PIK3C2G: variants seen among roughly 807,000 people sequenced by gnomAD.
PIK3C2G encodes the protein phosphatidylinositol-4-phosphate 3-kinase catalytic subunit type 2 gamma.
PIK3C2G carries 168 observed loss-of-function variants against 181.1 expected under a neutral mutation model. The observed-to-expected ratio is 0.93, with a 90% CI of 0.82 to 1.05. PIK3C2G has a LOEUF of 1.05. PIK3C2G is among the 50% of genes least tolerant of loss of function. PIK3C2G has a pLI of 0.00. For missense variants in PIK3C2G, 1,869 were observed against 1,732.8 expected (o/e 1.08, Z -1.40); for synonymous variants, 573 against 592.2 (o/e 0.97, Z 0.47).
intron 26 of PIK3C2G, among the ~76,000 whole-genome samples, 158 bp from the exon 27 acceptor site, chr12:18,562,545 G>A (rs1945406252): frequency 6.6e-6 from 1 of 152,188 alleles, no homozygotes; most frequent in South Asian, 2.1e-4. Context: ...CAAACTTGAA[G>A]TTTATACAAA....
chr12:18,564,751 A>T (rs1306863003), intron 28 of PIK3C2G, among the ~76,000 whole-genome samples: 1 of 152,162 alleles, frequency 6.6e-6, no homozygotes, highest in Non-Finnish European at 1.5e-5. Context: ...CAGGCAAAAA[A>T]AAGCTCAACG....
the PIK3C2G span, among the ~76,000 whole-genome samples, chr12:18,675,741 A>T: frequency 6.6e-6 from 1 of 152,126 alleles, no homozygotes; most frequent in Non-Finnish European, 1.5e-5. Flanking sequence ...ATGGAGCTGG[A>T]GTCCATTATT....
the PIK3C2G span, among the ~76,000 whole-genome samples, chr12:18,716,129 T>G: frequency 6.6e-6 from 1 of 152,194 alleles, no homozygotes; most frequent in Non-Finnish European, 1.5e-5. Context: ...TATGGAAGAA[T>G]GTTTGCTTTC....
At chr12:18,623,951 T>C (rs1948981349) in intron 31 of PIK3C2G, among the ~76,000 whole-genome samples, 1 of 151,790 alleles carries the variant, frequency 6.6e-6, no homozygotes, top group Non-Finnish European at 1.5e-5. Context: ...TTTTGAGTTA[T>C]CTATATATAA....
intron 4 of PIK3C2G, among the ~76,000 whole-genome samples, chr12:18,292,523 A>G (rs957197912): frequency 6.6e-6 from 1 of 152,076 alleles, no homozygotes; most frequent in Non-Finnish European, 1.5e-5. Flanking sequence ...GATTCTGATT[A>G]TTCGGCCAAG....
intron 11 of PIK3C2G, among the ~76,000 whole-genome samples, chr12:18,351,102 A>G (rs1372550045): frequency 6.6e-6 from 1 of 152,112 alleles, no homozygotes; most frequent in African/African-American, 2.4e-5. Context: ...TATAATAAAG[A>G]TCTCATCCAC....
chr12:18,472,642 C>G (rs992425785), intron 18 of PIK3C2G, among the ~76,000 whole-genome samples: 2 of 152,142 alleles, frequency 1.3e-5, no homozygotes, highest in Admixed American at 1.3e-4. Flanking sequence ...ATAATTTTTT[C>G]TCTCTTGGCT....
intron 25 of PIK3C2G, among the ~76,000 whole-genome samples, chr12:18,544,025 G>A (rs1291064383): frequency 6.6e-6 from 1 of 151,842 alleles, no homozygotes; most frequent in Non-Finnish European, 1.5e-5. Flanking sequence ...AAATATGATT[G>A]TACAAAGAAA....
At chr12:18,505,810 C>T (rs1463371123) in intron 24 of PIK3C2G, among the ~76,000 whole-genome samples, 2 of 152,086 alleles carry the variant, frequency 1.3e-5, no homozygotes, top group African/African-American at 4.8e-5. Context: ...TGCTATATTG[C>T]TCATAGCAAA....
the PIK3C2G span, among the ~76,000 whole-genome samples, chr12:18,717,846 T>C: frequency 2.0e-5 from 3 of 152,324 alleles, no homozygotes; most frequent in East Asian, 3.9e-4. Flanking sequence ...TTCAACATTA[T>C]GATAATGCAA....
At chr12:18,326,396 G>A (rs2137506352) in intron 8 of PIK3C2G, among the ~76,000 whole-genome samples, 1 of 152,242 alleles carries the variant, frequency 6.6e-6, no homozygotes, top group Admixed American at 6.5e-5. Context: ...TTAAATAATT[G>A]ATTCCTGATA....
chr12:18,528,019 G>T (rs1366035993), intron 24 of PIK3C2G, among the ~76,000 whole-genome samples: 1 of 152,070 alleles, frequency 6.6e-6, no homozygotes, highest in Non-Finnish European at 1.5e-5. Context: ...GTTAATAATT[G>T]CAGAGAGCTT....
At chr12:18,601,641 ATGATAT>A (rs1947720255) in intron 30 of PIK3C2G, among the ~76,000 whole-genome samples, 1 of 152,176 alleles carries the variant, frequency 6.6e-6, no homozygotes, top group Non-Finnish European at 1.5e-5. Flanking sequence ...GGCCATTTTA[ATGATAT>A]TGATACTTCT....
chr12:18,262,918 A>T, intron 1 of PIK3C2G, among the ~76,000 whole-genome samples: 1 of 152,310 alleles, frequency 6.6e-6, no homozygotes, highest in South Asian at 2.1e-4. Context: ...CAAATGTATG[A>T]TCTGATGAAA....
intron 13 of PIK3C2G, among the ~76,000 whole-genome samples, chr12:18,374,881 T>G (rs1942327585): frequency 6.6e-6 from 1 of 152,142 alleles, no homozygotes. Context: ...GCTCCTCCTT[T>G]GCCTTCTGCC....
rs541729026 is a variant in PIK3C2G at position 18,526,472 on chromosome 12, G to T, written c.3324-11684G>T. Among the ~76,000 whole-genome samples, 138 of 152,110 alleles carry T rather than the reference G, an allele frequency of 9.1e-4. 1 individual carries two copies. The highest frequency in any genetic ancestry group is 1.6e-3 in the Non-Finnish European group (112 of 68,028). ...CCTAAGCACCAAGCATAGAGCAGAG[G>T]TTCAATTTCAGTTGATTGTAGGATC... On this transcript the variant is annotated intron_variant, in intron 24 of 32. Coordinates refer to ENST00000538779, the MANE Select transcript of PIK3C2G (RefSeq NM_001288772.2).
At chr12:18,571,439 G>A (rs906529896) in intron 29 of PIK3C2G, among the ~76,000 whole-genome samples, 1 of 150,508 alleles carries the variant, frequency 6.6e-6, no homozygotes, top group African/African-American at 2.5e-5. Context: ...TACCAGTAGA[G>A]GTTTATAGAA....
At chr12:18,404,970 CA>C (rs1405431088) in intron 16 of PIK3C2G, among the ~76,000 whole-genome samples, 5 of 151,980 alleles carry the variant, frequency 3.3e-5, no homozygotes, top group Non-Finnish European at 5.9e-5. Context: ...GAAGTCTAAG[CA>C]GTAGGAACGC....
At chr12:18,700,512 C>CAAAAAAAAAAAAAAAAAAAAAA in the PIK3C2G span, among the ~76,000 whole-genome samples, 2 of 67,896 alleles carry the variant, frequency 2.9e-5, no homozygotes, top group Non-Finnish European at 2.5e-5. Context: ...AGCCAACGTA[C>CAAAAAAAAAAAAAAAAAAAAAA]AAAAAAAAAA....
Sources: allele counts gnomAD v4.1 joint callset (sites outside exome capture counted in the v4.1 genomes callset), GRCh38; gene constraint gnomAD v4.1.1; transcripts MANE v1.5; gene names NCBI Gene and HGNC (gene_info 2026-07-23, HGNC 2026-07-21).